Variants in ZNF423 observed in about 807,000 individuals in gnomAD.
ZNF423 encodes Ebf-associated zinc finger protein.
ZNF423 carries 12 observed loss-of-function variants against 95.8 expected under a neutral mutation model. The ratio of observed to expected loss-of-function variants is 0.13; its 90% CI spans 0.08 to 0.20. ZNF423 has a LOEUF of 0.20. Ranked by LOEUF, ZNF423 falls within the 10% of genes least tolerant of loss-of-function variation. ZNF423 has a pLI of 1.00. For missense variants in ZNF423, 1,316 were observed against 1,737.1 expected (o/e 0.76, Z 4.31); for synonymous variants, 749 against 711.9 (o/e 1.05, Z -0.83).
At chr16:49,853,305 G>C (rs770457981) in intron 1 of ZNF423, among the ~76,000 whole-genome samples, 7 of 147,570 alleles carry the variant, frequency 4.7e-5, no homozygotes, top group South Asian at 2.2e-4. Context: ...GCGGGGCGGG[G>C]GGGGAGCAGT....
At chr16:49,812,308 T>C (rs1256815101) in intron 1 of ZNF423, among the ~76,000 whole-genome samples, 1 of 152,196 alleles carries the variant, frequency 6.6e-6, no homozygotes, top group Non-Finnish European at 1.5e-5. Flanking sequence ...ACATTCCCCA[T>C]CTACCTGGTT....
At chr16:49,619,256 C>T (rs568350908) in intron 5 of ZNF423, among the ~76,000 whole-genome samples, 3 of 152,048 alleles carry the variant, frequency 2.0e-5, no homozygotes, top group South Asian at 2.1e-4. Flanking sequence ...GCTGGGTTAG[C>T]GGCCCCTCAC....
chr16:49,611,645 C>T (rs1392675526), intron 5 of ZNF423, among the ~76,000 whole-genome samples: 4 of 151,784 alleles, frequency 2.6e-5, no homozygotes, highest in African/African-American at 9.7e-5. Context: ...AGGAAAAGAT[C>T]AGAAACCCTG....
intron 4 of ZNF423, among the ~76,000 whole-genome samples, chr16:49,627,521 A>C (rs113149302): frequency 2.6e-3 from 212 of 81,280 alleles, no homozygotes; most frequent in Middle Eastern, 0.025. Flanking sequence ...TCCACCCATC[A>C]ATCCATCCTC....
intron 5 of ZNF423, among the ~76,000 whole-genome samples, chr16:49,587,361 A>G (rs1452689123): frequency 6.6e-6 from 1 of 152,206 alleles, no homozygotes; most frequent in Non-Finnish European, 1.5e-5. Flanking sequence ...CCTCTTTGGC[A>G]AAATAACCTG....
At chr16:49,697,813 G>A (rs939543470) in intron 3 of ZNF423, among the ~76,000 whole-genome samples, 1 of 152,242 alleles carries the variant, frequency 6.6e-6, no homozygotes, top group Non-Finnish European at 1.5e-5. Flanking sequence ...CCTTACCTAC[G>A]GTGCGGGCAG....
intron 3 of ZNF423, among the ~76,000 whole-genome samples, chr16:49,644,842 C>G (rs1338708037): frequency 6.6e-6 from 1 of 152,000 alleles, no homozygotes; most frequent in Non-Finnish European, 1.5e-5. Context: ...GCCCCAAGGA[C>G]ATTCCAGACC....
intron 1 of ZNF423, among the ~76,000 whole-genome samples, chr16:49,830,930 C>G (rs1200367838): frequency 6.6e-6 from 1 of 152,136 alleles, no homozygotes; most frequent in Non-Finnish European, 1.5e-5. Flanking sequence ...GTGATACAAT[C>G]CTGTGTCAGC....
At chr16:49,499,989 G>A (rs575771975) in intron 7 of ZNF423, among the ~76,000 whole-genome samples, 8 of 152,272 alleles carry the variant, frequency 5.3e-5, no homozygotes, top group African/African-American at 1.9e-4. Flanking sequence ...ACTTCAGAAT[G>A]CAAATGGGCC....
intron 5 of ZNF423, among the ~76,000 whole-genome samples, chr16:49,613,158 G>C (rs1971779070): frequency 1.3e-5 from 2 of 152,088 alleles, no homozygotes; most frequent in South Asian, 4.1e-4. Flanking sequence ...AATTTTGGTA[G>C]ATACAGACAA....
At chr16:49,813,239 C>T (rs976101804) in intron 1 of ZNF423, among the ~76,000 whole-genome samples, 2 of 151,976 alleles carry the variant, frequency 1.3e-5, no homozygotes, top group African/African-American at 2.4e-5. Context: ...TCCAACCCCA[C>T]AGCCCAGAGC....
intron 1 of ZNF423, among the ~76,000 whole-genome samples, chr16:49,837,980 T>C (rs2035138715): frequency 6.6e-6 from 1 of 152,226 alleles, no homozygotes; most frequent in African/African-American, 2.4e-5. Flanking sequence ...TCTGTCTTGC[T>C]ACTAAGCCGT....
At chr16:49,739,679 T>A (rs1265189301) in intron 2 of ZNF423, among the ~76,000 whole-genome samples, 1 of 142,406 alleles carries the variant, frequency 7.0e-6, no homozygotes, top group Non-Finnish European at 1.5e-5. Context: ...ACACGTTTGT[T>A]TTTTTGTTTT....
At chr16:49,677,721 T>C (rs559005380) in intron 3 of ZNF423, among the ~76,000 whole-genome samples, 1 of 138,960 alleles carries the variant, frequency 7.2e-6, no homozygotes, top group Admixed American at 7.7e-5. Flanking sequence ...ACCACTGCCC[T>C]CCGGCCTGGA....
intron 3 of ZNF423, among the ~76,000 whole-genome samples, chr16:49,727,846 G>T (rs530227295): frequency 6.6e-6 from 1 of 152,208 alleles, no homozygotes; most frequent in African/African-American, 2.4e-5. Context: ...GGCCCTCTCG[G>T]ACACGGTCTC....
chr16:49,782,403 G>C (rs940665731), intron 2 of ZNF423, among the ~76,000 whole-genome samples: 10 of 152,252 alleles, frequency 6.6e-5, no homozygotes, highest in African/African-American at 2.2e-4. Context: ...CTGGCTCCTA[G>C]AAGCACCTCG....
At chr16:49,647,436 C>T (rs750090988) in intron 3 of ZNF423, among the ~76,000 whole-genome samples, 12 of 152,138 alleles carry the variant, frequency 7.9e-5, no homozygotes, top group African/African-American at 1.2e-4. Context: ...GAATATGTTA[C>T]GTTACATGGT....
intron 4 of ZNF423, among the ~76,000 whole-genome samples, chr16:49,633,123 G>A (rs1302839659): frequency 1.3e-5 from 2 of 152,198 alleles, no homozygotes; most frequent in Non-Finnish European, 2.9e-5. Flanking sequence ...GCCTGCCTGG[G>A]TTCAAGTCTC....
chr16:49,738,731 G>A (rs1296474535), intron 2 of ZNF423, among the ~76,000 whole-genome samples: 1 of 151,974 alleles, frequency 6.6e-6, no homozygotes, highest in African/African-American at 2.4e-5. Flanking sequence ...AGGGCAGCGG[G>A]GTCAGCAGGA....
Sources: allele counts gnomAD v4.1 joint callset (sites outside exome capture counted in the v4.1 genomes callset), GRCh38; gene constraint gnomAD v4.1.1; transcripts MANE v1.5; gene names NCBI Gene and HGNC (gene_info 2026-07-23, HGNC 2026-07-21).